The following ABHD2 variants were observed in gnomAD, a reference collection of about 807,000 sequenced individuals.
ABHD2 encodes monoacylglycerol lipase ABHD2.
Under a neutral mutation model 48.1 loss-of-function variants are expected in ABHD2, and 20 were observed. That is an observed-to-expected ratio of 0.42 (90% CI 0.29 to 0.60). ABHD2 has a LOEUF of 0.60. Among genes scored for constraint, ABHD2 ranks in the 20% least tolerant of loss-of-function variants. The probability of loss-of-function intolerance (pLI) is 0.24; values close to 1 mark genes in which losing one functional copy is unlikely to be tolerated. For synonymous variants in ABHD2, 209 were observed against 214.2 expected, an observed-to-expected ratio of 0.98 and a Z score of 0.21; for missense variants, 405 against 550.9, an observed-to-expected ratio of 0.74 and a Z score of 2.65.
intron 3 of ABHD2, among the ~76,000 whole-genome samples, chr15:89,127,203 G>T (rs1248735573): frequency 6.6e-6 from 1 of 152,144 alleles, no homozygotes; most frequent in African/African-American, 2.4e-5. Context: ...GTGGCAGCTT[G>T]TGAACCACCC....
chr15:89,191,777 T>C (rs2051310277), intron 9 of ABHD2, among the ~76,000 whole-genome samples: 2 of 152,010 alleles, frequency 1.3e-5, no homozygotes, highest in East Asian at 1.9e-4. Context: ...TACAGGCATG[T>C]GCCACCACGC....
At chr15:89,042,392 T>C in the ABHD2 span, among the ~76,000 whole-genome samples, 11 of 152,262 alleles carry the variant, frequency 7.2e-5, no homozygotes, top group Non-Finnish European at 1.2e-4. Flanking sequence ...ACTTTTCTTA[T>C]TGAAGCACAT....
chr15:89,115,190 G>A (rs293398), intron 2 of ABHD2, among the ~76,000 whole-genome samples: 49,489 of 152,046 alleles, frequency 0.33, 9,231 homozygotes, highest in Non-Finnish European at 0.44. Context: ...GGAAGCTGTT[G>A]CCATAGCTAC....
chr15:89,045,119 A>T, the ABHD2 span, among the ~76,000 whole-genome samples: 1 of 152,202 alleles, frequency 6.6e-6, no homozygotes. Context: ...AGCTTTCTAC[A>T]TATGGCTAGC....
At chr15:89,127,825 C>G (rs1344561107) in intron 3 of ABHD2, among the ~76,000 whole-genome samples, 2 of 151,460 alleles carry the variant, frequency 1.3e-5, no homozygotes, top group Non-Finnish European at 2.9e-5. Flanking sequence ...TACTCAGCCC[C>G]TTCTATATCA....
At chr15:89,161,628 T>A (rs2150905510) in intron 5 of ABHD2, among the ~76,000 whole-genome samples, 1 of 152,322 alleles carries the variant, frequency 6.6e-6, no homozygotes, top group East Asian at 1.9e-4. Flanking sequence ...GTCGAACTCC[T>A]GACCTTAGGT....
intron 10 of ABHD2, 189 bp downstream of exon 10, chr15:89,193,508 C>T (rs1013935039): frequency 6.6e-6 from 4 of 604,630 alleles, no homozygotes; most frequent in Non-Finnish European, 1.2e-5. Context: ...CATCAGGCCT[C>T]CCTCGTGTTC....
the ABHD2 span, among the ~76,000 whole-genome samples, chr15:89,044,474 G>A: frequency 6.6e-4 from 100 of 152,140 alleles, no homozygotes; most frequent in South Asian, 3.7e-3. Context: ...CTGAGGAATC[G>A]CCACACTGAA....
chr15:89,183,834 AG>A (rs2051161077), intron 6 of ABHD2, among the ~76,000 whole-genome samples: 1 of 152,198 alleles, frequency 6.6e-6, no homozygotes, highest in African/African-American at 2.4e-5. Context: ...GAAATGAACC[AG>A]GGTAAGAGAA....
chr15:89,169,072 A>G (rs1360135248), intron 5 of ABHD2, among the ~76,000 whole-genome samples: 1 of 152,130 alleles, frequency 6.6e-6, no homozygotes, highest in East Asian at 1.9e-4. Context: ...CAGCCTAGGG[A>G]GACAGAGCGA....
chr15:89,099,245 G>A (rs1008215828), intron 1 of ABHD2, among the ~76,000 whole-genome samples: 2 of 152,164 alleles, frequency 1.3e-5, no homozygotes, highest in Non-Finnish European at 2.9e-5. Context: ...CTTTATAAAC[G>A]ATAGAGCTAC....
intron 3 of ABHD2, among the ~76,000 whole-genome samples, chr15:89,145,203 C>T (rs890302277): frequency 6.6e-6 from 1 of 152,166 alleles, no homozygotes; most frequent in Non-Finnish European, 1.5e-5. Context: ...TTGCAGTGAG[C>T]CGAGATGGTG....
In ABHD2 at chr15:89,094,212, C is replaced by T. The variant is rs1466779477; in HGVS notation, c.-107+5649C>T. The T allele has an allele frequency of 6.6e-6, 1 of 151,914 alleles. No homozygotes were observed. Among genetic ancestry groups the T allele is most frequent in the East Asian group, 1.9e-4 (1 of 5,176 alleles). 9.4% of individuals were successfully genotyped at this position (151,914 alleles called of 1,614,324 possible). On this transcript the variant is annotated intron_variant, in intron 1 of 10. Coordinates refer to ENST00000352732, the MANE Select transcript of ABHD2 (RefSeq NM_152924.5). The surrounding 1 kb of genome is among the most constrained non-coding windows in gnomAD (Gnocchi z 4.7). The stretch of plus-strand genomic sequence containing the variant: ...CGATCTCGGTGCACTGCAACCTCTG[C>T]TTCCCGGGTTCAAGCGATTTTCCTG...
At chr15:89,183,848 C>T (rs1224637630) in intron 6 of ABHD2, among the ~76,000 whole-genome samples, 2 of 152,098 alleles carry the variant, frequency 1.3e-5, no homozygotes, top group Non-Finnish European at 2.9e-5. Flanking sequence ...TAAGAGAAAG[C>T]TGGGATTGCC....
intron 1 of ABHD2, among the ~76,000 whole-genome samples, chr15:89,112,651 G>T (rs776795799): frequency 1.3e-4 from 20 of 152,318 alleles, no homozygotes; most frequent in Admixed American, 7.2e-4. Context: ...AAAAGAAATT[G>T]GGCTTGAATC....
Position 89,200,293 on chromosome 15 carries a change from C to G in ABHD2, c.*4870C>G, listed in dbSNP as rs534027601. 6.6e-6 allele frequency: 1 copy of G among 151,706 alleles called. No homozygotes were observed. The highest frequency in any genetic ancestry group is 1.9e-4 in the East Asian group (1 of 5,204). 9.4% of individuals were successfully genotyped at this position (151,706 alleles called of 1,614,324 possible). A position where few individuals can be genotyped will look rare whatever the true frequency, so the allele number is the denominator to read the frequency against. On this transcript the variant is annotated 3_prime_UTR_variant, in exon 11 of 11. Transcript: ENST00000352732. The stretch of plus-strand genomic sequence containing the variant: ...ATTGCACAGCAGCCGGGCAGAGGCG[C>G]TCCTCACTTCCCAGATGGGGCGGCG...
At chr15:89,158,248 A>T (rs28392758) in intron 5 of ABHD2, among the ~76,000 whole-genome samples, 1 of 152,152 alleles carries the variant, frequency 6.6e-6, no homozygotes, top group Non-Finnish European at 1.5e-5. Context: ...AGAGAGGTTA[A>T]GTGATTTGGG....
At chr15:89,191,046 CTTTTTCTT>C (rs777887449) in intron 8 of ABHD2, 26 bp from the exon 9 acceptor site, 6 of 1,607,358 alleles carry the variant, frequency 3.7e-6, no homozygotes, top group Non-Finnish European at 5.1e-6. Context: ...ATGTTTTGTC[CTTTTTCTT>C]TTTTTCTTTT....
chr15:89,140,569 TGAGA>T (rs1245273235), intron 3 of ABHD2, among the ~76,000 whole-genome samples: 1 of 152,076 alleles, frequency 6.6e-6, no homozygotes, highest in East Asian at 1.9e-4. Context: ...CTCTACAGAT[TGAGA>T]GAGAGACCCC....
Sources: gnomAD v4.1 joint callset for allele counts (sites outside exome capture counted in the v4.1 genomes callset) on GRCh38, gnomAD v4.1.1 for gene constraint, Gnocchi (gnomAD v3.1) non-coding constraint, MANE v1.5 for transcripts, NCBI Gene and HGNC (gene_info 2026-07-23, HGNC 2026-07-21) for gene names.